Variants in FHIT observed in about 807,000 individuals in gnomAD.
The protein encoded by FHIT is fragile histidine triad diadenosine triphosphatase.
A neutral mutation model predicts 17.9 loss-of-function variants in FHIT; 19 were observed. That is an observed-to-expected ratio of 1.06 (90% CI 0.74 to 1.56). The LOEUF (loss-of-function observed/expected upper bound fraction) is 1.56. Among genes scored for constraint, FHIT ranks in the 40% most tolerant of loss-of-function variants. The pLI, the probability that FHIT is intolerant of heterozygous loss-of-function variation, is 0.00. For missense variants in FHIT, 248 were observed against 189.2 expected, an observed-to-expected ratio of 1.31 and a Z score of -1.82; for synonymous variants, 81 against 69.7, an observed-to-expected ratio of 1.16 and a Z score of -0.81.
chr3:60,955,499 A>G (rs1441745300), intron 3 of FHIT, among the ~76,000 whole-genome samples: 2 of 151,744 alleles, frequency 1.3e-5, no homozygotes, highest in Non-Finnish European at 2.9e-5. Flanking sequence ...GAAGTTAGGA[A>G]GCACTGACAT....
intron 3 of FHIT, among the ~76,000 whole-genome samples, chr3:61,006,338 T>C (rs1225712559): frequency 6.6e-6 from 1 of 152,136 alleles, no homozygotes; most frequent in Non-Finnish European, 1.5e-5. Context: ...TGAACGCAGC[T>C]GAACAAAAAC....
chr3:60,196,770 A>G (rs1298037365), intron 5 of FHIT, among the ~76,000 whole-genome samples: 1 of 152,084 alleles, frequency 6.6e-6, no homozygotes, highest in Non-Finnish European at 1.5e-5. Context: ...TCCATTACAT[A>G]GATGATATCA....
intron 5 of FHIT, among the ~76,000 whole-genome samples, chr3:60,301,796 G>C (rs1446999424): frequency 6.6e-6 from 1 of 152,170 alleles, no homozygotes; most frequent in Non-Finnish European, 1.5e-5. Context: ...ACAGAGTAGG[G>C]AGCAGGGTGT....
chr3:60,648,257 TTTG>T lies in FHIT; in HGVS notation c.-17-111281_-17-111279del, dbSNP rs368390576. 8.3e-4 allele frequency among the ~76,000 whole-genome samples: 126 copies of T among 152,206 alleles called. 3 individuals are homozygous for T. In the East Asian group the frequency reaches 0.022, roughly 26 times the overall value. The stretch of plus-strand genomic sequence containing the variant: ...TACGTCACCTGGACTGAACTGCGCT[TTTG>T]TTATTTATAATGCAATATGGTATAA... On this transcript the variant is annotated intron_variant, in intron 4 of 9. Transcript: ENST00000492590.
At chr3:60,800,609 C>T (rs187876078) in intron 4 of FHIT, among the ~76,000 whole-genome samples, 1 of 152,266 alleles carries the variant, frequency 6.6e-6, no homozygotes, top group East Asian at 1.9e-4. Flanking sequence ...CCTAGAAGTA[C>T]ACTCTGAAAT....
intron 8 of FHIT, among the ~76,000 whole-genome samples, chr3:59,916,369 G>A (rs916485245): frequency 7.2e-5 from 11 of 152,126 alleles, no homozygotes; most frequent in African/African-American, 2.7e-4. Flanking sequence ...CTACTTTTGA[G>A]ATTTTGGGAC....
chr3:60,967,799 T>C (rs1464513928), intron 3 of FHIT, among the ~76,000 whole-genome samples: 1 of 152,208 alleles, frequency 6.6e-6, no homozygotes, highest in East Asian at 1.9e-4. Context: ...TAATTATTTT[T>C]CTAGGACCAT....
chr3:59,828,973 T>A (rs1030854973), intron 8 of FHIT, among the ~76,000 whole-genome samples: 6 of 152,072 alleles, frequency 3.9e-5, no homozygotes, highest in African/African-American at 1.2e-4. Context: ...AAATCTTAAT[T>A]TGTGTTTCAA....
Position 60,130,789 on chromosome 3 carries a change from G to GTGTATA in FHIT, c.104-116638_104-116637insTATACA, listed in dbSNP as rs1559660689. On this transcript the variant is annotated intron_variant, in intron 5 of 9. Coordinates refer to ENST00000492590, the MANE Select transcript of FHIT (RefSeq NM_002012.4). ...GTTTGTGTGTGTGTGTGTGTGGTGTGTATATACACACATATATATGTGTGT... is the reference window on the plus strand; with the variant it reads ...GTTTGTGTGTGTGTGTGTGTGGTGTGTGTATATATATACACACATATATATGTGTGT... Among the ~76,000 whole-genome samples the GTGTATA allele has an allele frequency of 3.5e-3, 473 of 136,090 alleles. 6 individuals are homozygous for GTGTATA. The highest frequency in any genetic ancestry group is 0.01 in the African/African-American group (392 of 38,020). 89.3% of individuals were successfully genotyped at this position (136,090 alleles called of 152,430 possible). A position where few individuals can be genotyped will look rare whatever the true frequency, so the allele number is the denominator to read the frequency against.
intron 5 of FHIT, among the ~76,000 whole-genome samples, chr3:60,261,287 T>C (rs1314867437): frequency 6.6e-6 from 1 of 151,956 alleles, no homozygotes; most frequent in Non-Finnish European, 1.5e-5. Flanking sequence ...CCCTTCCCAG[T>C]AACATATCCA....
At chr3:60,537,142 G>T (rs2107599804) in intron 4 of FHIT, among the ~76,000 whole-genome samples, 163 bp from the exon 5 acceptor site, 1 of 152,172 alleles carries the variant, frequency 6.6e-6, no homozygotes, top group Non-Finnish European at 1.5e-5. Flanking sequence ...TTCTGGGAAA[G>T]TCTTTCTAAA....
At chr3:60,559,727 C>G (rs914156662) in intron 4 of FHIT, among the ~76,000 whole-genome samples, 3 of 147,750 alleles carry the variant, frequency 2.0e-5, no homozygotes, top group Admixed American at 6.7e-5. Context: ...TTTAACCTCC[C>G]AGCTCTAGAA....
chr3:60,759,044 C>A (rs1170644418), intron 4 of FHIT, among the ~76,000 whole-genome samples: 5 of 152,014 alleles, frequency 3.3e-5, no homozygotes, highest in Non-Finnish European at 7.4e-5. Context: ...GTGGGTGGCA[C>A]TTTTGAGTAC....
intron 4 of FHIT, among the ~76,000 whole-genome samples, chr3:60,748,197 G>T (rs1366780754): frequency 6.6e-6 from 1 of 152,106 alleles, no homozygotes; most frequent in Admixed American, 6.5e-5. Flanking sequence ...AGATAAGAAG[G>T]AAGTTTGCAG....
chr3:61,220,929 A>G (rs1469084855), intron 1 of FHIT, among the ~76,000 whole-genome samples: 4 of 152,192 alleles, frequency 2.6e-5, no homozygotes, highest in Non-Finnish European at 5.9e-5. Context: ...CCCTTGCCAC[A>G]TCTATTCAAT....
rs1701787458 is a variant in FHIT at position 59,848,064 on chromosome 3, A to G, written c.348+74282T>C. Among the ~76,000 whole-genome samples, 3 of 152,198 alleles carry G rather than the reference A, an allele frequency of 2.0e-5. No homozygotes were observed. The South Asian group carries it at 6.2e-4, about 32-fold the overall frequency. On this transcript the variant is annotated intron_variant, in intron 8 of 9. Transcript: ENST00000492590. The stretch of plus-strand genomic sequence containing the variant: ...TGTACCTCTGTGATTGAAAACGGCA[A>G]TCAGTAATCAGAATACAGATCCCAA...
intron 4 of FHIT, among the ~76,000 whole-genome samples, chr3:60,592,626 A>G (rs1224995338): frequency 6.6e-6 from 1 of 152,122 alleles, no homozygotes; most frequent in Admixed American, 6.5e-5. Flanking sequence ...CAGGCTTCCA[A>G]TCTTTAATGA....
intron 5 of FHIT, among the ~76,000 whole-genome samples, chr3:60,122,204 G>A (rs754572802): frequency 1.3e-5 from 2 of 152,040 alleles, no homozygotes; most frequent in African/African-American, 2.4e-5. Context: ...AGAAAGAAGT[G>A]TTCAGCATTC....
rs375189827 is a variant in FHIT at position 61,201,759 on chromosome 3, C to G, written c.-212-1094G>C. Among the ~76,000 whole-genome samples, 10 of 152,118 alleles carry G rather than the reference C, an allele frequency of 6.6e-5. 1 individual carries two copies. The South Asian group carries it at 2.1e-3, about 32-fold the overall frequency. The stretch of plus-strand genomic sequence containing the variant: ...ATTTCTCCTTCCCCCTGAGCTACAC[C>G]GTTTACCAATGAGTTTAGAACAAGC... On this transcript the variant is annotated intron_variant, in intron 1 of 9. Transcript: ENST00000492590.
Sources: allele counts gnomAD v4.1 joint callset (sites outside exome capture counted in the v4.1 genomes callset), GRCh38; gene constraint gnomAD v4.1.1; transcripts MANE v1.5; gene names NCBI Gene and HGNC (gene_info 2026-07-23, HGNC 2026-07-21).